The following IL1RAPL1 variants were observed in gnomAD, a reference collection of about 807,000 sequenced individuals.
IL1RAPL1 encodes interleukin-1 receptor accessory protein-like 1.
Under a neutral mutation model 48.4 loss-of-function variants are expected in IL1RAPL1, and 3 were observed. The observed-to-expected ratio is 0.06, with a 90% CI of 0.03 to 0.16. The LOEUF is 0.16. IL1RAPL1 is among the 10% of genes least tolerant of loss of function. The probability of loss-of-function intolerance (pLI) is 1.00; values close to 1 mark genes in which losing one functional copy is unlikely to be tolerated. For missense variants in IL1RAPL1, 349 were observed against 530.6 expected (o/e 0.66, Z 3.36); for synonymous variants, 185 against 187.7 (o/e 0.99, Z 0.12).
chrX:29,483,501 C>T (rs1205869683), intron 5 of IL1RAPL1, among the ~76,000 whole-genome samples: 1 of 111,365 alleles, frequency 9.0e-6, no homozygotes, highest in African/African-American at 3.3e-5. Context: ...CTTTGCATTA[C>T]AGTAGTATAT....
At chrX:29,858,858 C>T (rs954140655) in intron 6 of IL1RAPL1, among the ~76,000 whole-genome samples, 1 of 110,809 alleles carries the variant, frequency 9.0e-6, no homozygotes, top group Non-Finnish European at 1.9e-5. Context: ...GATCATCAAC[C>T]CTGAGCTGTC....
intron 3 of IL1RAPL1, among the ~76,000 whole-genome samples, chrX:29,301,184 T>C (rs974017124): frequency 1.8e-5 from 2 of 112,003 alleles, no homozygotes; most frequent in Admixed American, 9.5e-5. Flanking sequence ...TTTGGCAGCT[T>C]TGAATTCCCT....
At chrX:29,243,065 C>T (rs916742006) in intron 2 of IL1RAPL1, among the ~76,000 whole-genome samples, 2 of 111,838 alleles carry the variant, frequency 1.8e-5, no homozygotes, top group Non-Finnish European at 3.8e-5. Context: ...ACATGTTCCC[C>T]GGGGGGTTTA....
At chrX:28,619,917 A>G (rs1421891539) in intron 1 of IL1RAPL1, among the ~76,000 whole-genome samples, 1 of 111,612 alleles carries the variant, frequency 9.0e-6, no homozygotes, top group Non-Finnish European at 1.9e-5. Flanking sequence ...ATTTCTATCC[A>G]AATGCATTTT....
chrX:29,125,092 G>C (rs1253868341), intron 2 of IL1RAPL1, among the ~76,000 whole-genome samples: 1 of 112,342 alleles, frequency 8.9e-6, no homozygotes, highest in Non-Finnish European at 1.9e-5. Context: ...ACTCCTTTTA[G>C]TGTTTTCAAC....
chrX:28,935,859 A>G (rs1324436777), intron 2 of IL1RAPL1, among the ~76,000 whole-genome samples: 1 of 112,018 alleles, frequency 8.9e-6, no homozygotes. Context: ...TATAGACTAT[A>G]GTGATCTTGT....
chrX:29,734,946 T>G (rs1174935891), intron 6 of IL1RAPL1, among the ~76,000 whole-genome samples: 1 of 112,524 alleles, frequency 8.9e-6, no homozygotes, highest in Admixed American at 9.4e-5. Flanking sequence ...TCTGTATTCC[T>G]CATAGTTGAA....
At chrX:29,708,642 C>G (rs1191040742) in intron 6 of IL1RAPL1, among the ~76,000 whole-genome samples, 1 of 112,014 alleles carries the variant, frequency 8.9e-6, no homozygotes, top group African/African-American at 3.2e-5. Context: ...AGTTTGGTTC[C>G]ATATGTTGGC....
chrX:29,840,867 T>C (rs1442449972), intron 6 of IL1RAPL1, among the ~76,000 whole-genome samples: 1 of 112,144 alleles, frequency 8.9e-6, no homozygotes, highest in Non-Finnish European at 1.9e-5. Context: ...ATAATATTGA[T>C]TATATCACAA....
intron 6 of IL1RAPL1, among the ~76,000 whole-genome samples, chrX:29,786,067 T>C (rs1459219548): frequency 9.1e-6 from 1 of 109,381 alleles, no homozygotes; most frequent in Admixed American, 9.9e-5. Flanking sequence ...CATTGGAAAG[T>C]TAGGACTAGA....
intron 6 of IL1RAPL1, among the ~76,000 whole-genome samples, chrX:29,691,684 T>C (rs1161361596): frequency 9.8e-6 from 1 of 102,202 alleles, no homozygotes. Flanking sequence ...AAAAGCTCAC[T>C]ATAGAGCCGA....
At chrX:29,089,044 C>T (rs765589586) in intron 2 of IL1RAPL1, among the ~76,000 whole-genome samples, 8 of 110,989 alleles carry the variant, frequency 7.2e-5, no homozygotes, top group African/African-American at 2.6e-4. Flanking sequence ...TGCCTTTTGT[C>T]CTAGAAATGC....
At chrX:28,987,533 C>T (rs1212291844) in intron 2 of IL1RAPL1, among the ~76,000 whole-genome samples, 1 of 111,731 alleles carries the variant, frequency 9.0e-6, no homozygotes, top group Non-Finnish European at 1.9e-5. Context: ...TACACACACA[C>T]ACTTGCATTT....
intron 2 of IL1RAPL1, among the ~76,000 whole-genome samples, chrX:29,194,325 T>A (rs1930404226): frequency 8.9e-6 from 1 of 112,821 alleles, no homozygotes; most frequent in South Asian, 3.6e-4. Context: ...TTTATAGATT[T>A]TCATTTTTTT....
At chrX:29,249,352 T>C (rs1177035162) in intron 2 of IL1RAPL1, among the ~76,000 whole-genome samples, 1 of 111,997 alleles carries the variant, frequency 8.9e-6, no homozygotes, top group East Asian at 2.8e-4. Flanking sequence ...GAATTATTTT[T>C]GTTGTATTAG....
intron 1 of IL1RAPL1, among the ~76,000 whole-genome samples, chrX:28,743,770 CATA>C (rs1379876542): frequency 1.8e-5 from 2 of 110,699 alleles, no homozygotes; most frequent in African/African-American, 6.5e-5. Flanking sequence ...TGGCGTACAA[CATA>C]ATGTTTTGAT....
At chrX:29,168,117 A>T (rs1929822615) in intron 2 of IL1RAPL1, among the ~76,000 whole-genome samples, 1 of 110,604 alleles carries the variant, frequency 9.0e-6, no homozygotes, top group African/African-American at 3.3e-5. Flanking sequence ...CAGTGCATGT[A>T]TACATAGTAT....
At chrX:28,829,353 A>G (rs183316189) in intron 2 of IL1RAPL1, among the ~76,000 whole-genome samples, 34 of 109,987 alleles carry the variant, frequency 3.1e-4, no homozygotes, top group Admixed American at 6.8e-4. Flanking sequence ...TTCTTATCTA[A>G]TTTCCTTGGC....
In IL1RAPL1 at chrX:28,930,618, T is replaced by A. The variant is rs188440058; in HGVS notation, c.82+141193T>A. ...CTTGAAAGTAAGTTAGAAACGACCA[T>A]GATTTTATTTTTATTTTTAATTTTT... On this transcript the variant is annotated intron_variant, in intron 2 of 10. Transcript: ENST00000378993. Among the ~76,000 whole-genome samples the A allele has an allele frequency of 4.0e-3, 451 of 111,910 alleles. 4 individuals carry two copies. The highest frequency in any genetic ancestry group is 0.014 in the African/African-American group (424 of 30,926).
Sources: gnomAD v4.1 joint callset for allele counts (sites outside exome capture counted in the v4.1 genomes callset) on GRCh38, gnomAD v4.1.1 for gene constraint, MANE v1.5 for transcripts, NCBI Gene and HGNC (gene_info 2026-07-23, HGNC 2026-07-21) for gene names.